The following CDH19 variants were observed in gnomAD, a reference collection of about 807,000 sequenced individuals.
CDH19 encodes cadherin-19.
In CDH19, 67 loss-of-function variants were observed where a neutral mutation model predicts 64.2. The observed-to-expected ratio is 1.04, with a 90% CI of 0.86 to 1.28. CDH19 has a LOEUF of 1.28. CDH19 is among the 50% of genes most tolerant of loss of function. The probability of loss-of-function intolerance (pLI) is 0.00; values close to 1 mark genes in which losing one functional copy is unlikely to be tolerated. For missense variants in CDH19, 1,030 were observed against 929.0 expected (o/e 1.11, Z -1.41); for synonymous variants, 346 against 319.3 (o/e 1.08, Z -0.89).
At chr18:66,603,456 AT>A (rs1307108638) in intron 1 of CDH19, among the ~76,000 whole-genome samples, 4 of 151,194 alleles carry the variant, frequency 2.6e-5, no homozygotes, top group African/African-American at 7.3e-5. Flanking sequence ...TAATATTTTA[AT>A]TTTTTTGGAA....
chr18:66,551,016 T>G, intron 5 of CDH19, 78 bp downstream of exon 5: 1 of 732,938 alleles, frequency 1.4e-6, no homozygotes, highest in South Asian at 2.4e-5. Flanking sequence ...GCTTTTAGAA[T>G]GAAAACTATA....
intron 1 of CDH19, among the ~76,000 whole-genome samples, chr18:66,595,982 T>C (rs1988876936): frequency 6.6e-6 from 1 of 152,122 alleles, no homozygotes; most frequent in Admixed American, 6.5e-5. Flanking sequence ...GATTACCTTG[T>C]TTCCTGGGAT....
intron 7 of CDH19, among the ~76,000 whole-genome samples, chr18:66,538,140 A>G (rs1986746197): frequency 6.6e-6 from 1 of 152,120 alleles, no homozygotes; most frequent in East Asian, 1.9e-4. Flanking sequence ...CACTATGTAG[A>G]GTACATTTCT....
chr18:66,588,485 T>A (rs1988640496), intron 1 of CDH19, among the ~76,000 whole-genome samples: 1 of 151,588 alleles, frequency 6.6e-6, no homozygotes, highest in Non-Finnish European at 1.5e-5. Context: ...CCAGAGGTGA[T>A]CCTGACAATC....
At chr18:66,570,391 A>G (rs902659189) in intron 2 of CDH19, among the ~76,000 whole-genome samples, 29 of 151,730 alleles carry the variant, frequency 1.9e-4, no homozygotes, top group African/African-American at 6.5e-4. Context: ...ACACATTTCA[A>G]TCAAATGGCC....
chr18:66,597,500 T>C (rs1313586059), intron 1 of CDH19, among the ~76,000 whole-genome samples: 2 of 152,092 alleles, frequency 1.3e-5, no homozygotes, highest in Non-Finnish European at 2.9e-5. Context: ...ATAAACACCC[T>C]AGGAGAAAAC....
intron 1 of CDH19, among the ~76,000 whole-genome samples, chr18:66,573,937 TGTAA>T (rs375883957): frequency 1.5e-3 from 225 of 150,796 alleles, no homozygotes; most frequent in Middle Eastern, 3.4e-3. Context: ...ATACATGTTA[TGTAA>T]GTGTGTATAC....
chr18:66,537,690 G>A (rs759721309), intron 7 of CDH19, among the ~76,000 whole-genome samples: 11 of 151,942 alleles, frequency 7.2e-5, no homozygotes, highest in South Asian at 6.2e-4. Context: ...TGATCTTGTC[G>A]TTTCCTTACA....
chr18:66,526,989 A>T (rs1025263218), intron 9 of CDH19, among the ~76,000 whole-genome samples: 13 of 151,836 alleles, frequency 8.6e-5, no homozygotes, highest in African/African-American at 2.7e-4. Flanking sequence ...TTTCAAAATC[A>T]GGGATAGTTT....
chr18:66,597,009 G>A lies in CDH19; in HGVS notation c.-113+6945C>T, dbSNP rs1334937429. Among the ~76,000 whole-genome samples, 15 of 143,504 alleles carry A rather than the reference G, an allele frequency of 1.0e-4. No individual in the cohort carries two copies. The East Asian group carries it at 2.8e-3, about 27-fold the overall frequency. 94.1% of individuals were successfully genotyped at this position (143,504 alleles called of 152,430 possible). A position where few individuals can be genotyped will look rare whatever the true frequency, so the allele number is the denominator to read the frequency against. ...AGGCAGGAGAATGGCGTTAACCCGG[G>A]AGGCGGAGCTTGCAGTGAGCCGAGA... On this transcript the variant is annotated intron_variant, in intron 1 of 11. Coordinates refer to ENST00000262150, the MANE Select transcript of CDH19 (RefSeq NM_021153.4).
chr18:66,511,871 C>CT (rs1568171911), intron 9 of CDH19, among the ~76,000 whole-genome samples, 186 bp from the exon 10 acceptor site: 1 of 151,500 alleles, frequency 6.6e-6, no homozygotes, highest in Non-Finnish European at 1.5e-5. Context: ...TGTTCACTTC[C>CT]TTTTTTCAAA....
intron 9 of CDH19, among the ~76,000 whole-genome samples, chr18:66,520,585 A>C (rs1985941804): frequency 6.6e-6 from 1 of 152,068 alleles, no homozygotes; most frequent in Non-Finnish European, 1.5e-5. Context: ...ATCTTCACTG[A>C]AACACATTTG....
At chr18:66,571,080 A>ATG (rs148455493) in intron 2 of CDH19, among the ~76,000 whole-genome samples, 20 of 150,694 alleles carry the variant, frequency 1.3e-4, no homozygotes, top group African/African-American at 2.2e-4. Flanking sequence ...ATTTCTTGTA[A>ATG]TGTGTGTGTG....
chr18:66,532,857 C>T, intron 8 of CDH19: 1 of 368,990 alleles, frequency 2.7e-6, no homozygotes. Context: ...CTCCAACTAC[C>T]CAGTGAATAT....
chr18:66,544,215 A>C lies in CDH19; in HGVS notation c.970T>G (p.Phe324Val), dbSNP rs757775093. The stretch of plus-strand genomic sequence containing the variant: ...ATACCGTAGTGGTTCTGGTGCTCAA[A>C]ATCCACTTTCTGCAAAGAAACACAG... Reference protein sequence around the residue: ...GIVILKKKVDFEHQNHYGIRA... With the variant: ...GIVILKKKVDVEHQNHYGIRA... Residue 324 changes from phenylalanine (F) to valine (V), a missense_variant, in exon 7 of 12, where the codon TTT becomes GTT. Phe to Val is a conservative substitution (Grantham distance 50). Transcript: ENST00000262150. The C allele has an allele frequency of 3.0e-5, 49 of 1,612,536 alleles. No individual in the cohort carries two copies. In the East Asian group the frequency reaches 1.1e-3, roughly 35 times the overall value.
intron 1 of CDH19, among the ~76,000 whole-genome samples, chr18:66,573,343 T>G (rs998084137): frequency 3.3e-5 from 5 of 151,618 alleles, no homozygotes; most frequent in African/African-American, 9.7e-5. Context: ...TCCTTAGAGA[T>G]TTTTTAGGTC....
rs1299766089 is a variant in CDH19, at chr18:66,503,595, T to C, written c.*1217A>G. 6.6e-6 allele frequency: 1 copy of C among 151,864 alleles called. No individual in the cohort carries two copies. The highest frequency in any genetic ancestry group is 2.4e-5 in the African/African-American group (1 of 41,442). 9.4% of individuals were successfully genotyped at this position (151,864 alleles called of 1,614,324 possible). ...CAGTTTCATAAAGTTTGCATTTAATTATGAGTAAATATTGACTTGTATTTT... is the reference window on the plus strand; with the variant it reads ...CAGTTTCATAAAGTTTGCATTTAATCATGAGTAAATATTGACTTGTATTTT... On this transcript the variant is annotated 3_prime_UTR_variant, in exon 12 of 12. Transcript: ENST00000262150.
chr18:66,514,111 A>C (rs573402815), intron 9 of CDH19, among the ~76,000 whole-genome samples: 1 of 151,660 alleles, frequency 6.6e-6, no homozygotes, highest in South Asian at 2.1e-4. Context: ...TGTTTATATT[A>C]AGCTTCATAT....
At chr18:66,545,686 A>T (rs1412884055) in intron 5 of CDH19, among the ~76,000 whole-genome samples, 1 of 152,148 alleles carries the variant, frequency 6.6e-6, no homozygotes, top group African/African-American at 2.4e-5. Flanking sequence ...GAAGTTACTG[A>T]ATAAATATAC....
Sources: allele counts gnomAD v4.1 joint callset (sites outside exome capture counted in the v4.1 genomes callset), GRCh38; gene constraint gnomAD v4.1.1; transcripts MANE v1.5; gene names NCBI Gene and HGNC (gene_info 2026-07-23, HGNC 2026-07-21).